ITCH: variants seen among roughly 807,000 people sequenced by gnomAD.
ITCH encodes the protein E3 ubiquitin-protein ligase Itchy homolog.
Under a neutral mutation model 126.8 loss-of-function variants are expected in ITCH, and 28 were observed. That is an observed-to-expected ratio of 0.22 (90% confidence interval 0.16 to 0.30). The LOEUF (loss-of-function observed/expected upper bound fraction) is 0.30, where lower values mean the gene tolerates loss of function less well. Among genes scored for constraint, ITCH ranks in the 10% least tolerant of loss-of-function variants. ITCH has a pLI of 1.00. For missense variants in ITCH, 631 were observed against 1,032.4 expected (o/e 0.61, Z 5.33); for synonymous variants, 342 against 340.0 (o/e 1.01, Z -0.06).
At chr20:34,488,297 G>A (rs1367454027) in intron 20 of ITCH, among the ~76,000 whole-genome samples, 1 of 151,564 alleles carries the variant, frequency 6.6e-6, no homozygotes, top group Non-Finnish European at 1.5e-5. Flanking sequence ...TTTTTTGAAG[G>A]ATATTGTCAC....
chr20:34,471,673 G>GGTGTGTGTGTGTGTGT (rs10606931), intron 16 of ITCH, among the ~76,000 whole-genome samples, 158 bp downstream of exon 16: 9 of 69,376 alleles, frequency 1.3e-4, no homozygotes, highest in African/African-American at 4.8e-4. Flanking sequence ...GGGCTTAAGG[G>GGTGTGTGTGTGTGTGT]GTGTGTGTGT....
intron 16 of ITCH, chr20:34,475,991 A>T: frequency 6.2e-7 from 1 of 1,602,326 alleles, no homozygotes; most frequent in Non-Finnish European, 8.5e-7. Flanking sequence ...TCGAACAGTC[A>T]TATTGTCCAT....
chr20:34,499,124 G>T (rs1405757483), intron 23 of ITCH, among the ~76,000 whole-genome samples: 2 of 151,568 alleles, frequency 1.3e-5, no homozygotes, highest in Non-Finnish European at 1.5e-5. Flanking sequence ...ACAGGCGCCT[G>T]CCACCATGCT....
intron 6 of ITCH, among the ~76,000 whole-genome samples, chr20:34,418,757 C>CTTTTTTTTT (rs373974620): frequency 1.7e-5 from 2 of 116,522 alleles, no homozygotes; most frequent in African/African-American, 3.3e-5. Context: ...TCTTTTTTTC[C>CTTTTTTTTT]TTTTTTTTTT....
Position 34,481,138 on chromosome 20 carries a change from G to C in ITCH, c.2025G>C (p.Lys675Asn). 6.2e-7 allele frequency: 1 copy of C among 1,613,296 alleles called. No homozygotes were observed. Among genetic ancestry groups the C allele is most frequent in the Non-Finnish European group, 8.5e-7 (1 of 1,179,446 alleles). The change falls in exon 20 of 25, where the codon AAG becomes AAC. Residue 675 changes from lysine (K) to asparagine (N), a missense_variant. Lys to Asn is a moderately conservative substitution (Grantham distance 94). Around this residue, in one of 4 missense-constraint regions of ITCH, gnomAD observed 390 missense variants for 731.6 expected, o/e 0.53. Transcript: ENST00000374864. ...SVDKEILGEIKSHDLKPNGGN... is the reference protein window; with the variant it reads ...SVDKEILGEINSHDLKPNGGN... ...ACAAAGAAATTCTAGGTGAAATTAA[G>C]AGTCATGATCTGAAACCTAATGGTG...
intron 10 of ITCH, 136 bp downstream of exon 10, chr20:34,442,439 A>C: frequency 1.5e-6 from 1 of 689,520 alleles, no homozygotes; most frequent in South Asian, 1.7e-5. Flanking sequence ...TGGTAAGTAC[A>C]AATTAAAAAG....
intron 20 of ITCH, among the ~76,000 whole-genome samples, chr20:34,485,398 G>A (rs985974015): frequency 6.6e-6 from 1 of 152,200 alleles, no homozygotes; most frequent in Non-Finnish European, 1.5e-5. Context: ...AGTAGTATTT[G>A]AGAGTTGCTT....
chr20:34,444,214 ACAAT>A (rs544274479), intron 10 of ITCH, among the ~76,000 whole-genome samples: 7 of 152,332 alleles, frequency 4.6e-5, no homozygotes, highest in Middle Eastern at 3.4e-3. Context: ...CATAATCAAC[ACAAT>A]CAATTCTTTC....
chr20:34,461,733 A>G (rs894502242), intron 13 of ITCH, among the ~76,000 whole-genome samples: 34 of 134,278 alleles, frequency 2.5e-4, no homozygotes, highest in African/African-American at 8.2e-4. Context: ...AAAAAAAAAA[A>G]GCAGGAGAGA....
intron 23 of ITCH, among the ~76,000 whole-genome samples, chr20:34,503,563 T>C (rs1990396657): frequency 6.6e-6 from 1 of 152,226 alleles, no homozygotes; most frequent in African/African-American, 2.4e-5. Flanking sequence ...TTTTATTAAT[T>C]CTGTATTTAA....
chr20:34,396,446 G>C (rs373733639), intron 3 of ITCH, among the ~76,000 whole-genome samples: 2 of 152,052 alleles, frequency 1.3e-5, no homozygotes, highest in African/African-American at 4.8e-5. Context: ...AGCCATTCTA[G>C]TGGGTGTGAA....
At chr20:34,450,983 C>T (rs1414995824) in intron 12 of ITCH, 1 of 152,084 alleles carries the variant, frequency 6.6e-6, no homozygotes, top group Non-Finnish European at 1.5e-5. Context: ...CTTATAACAA[C>T]AGGAGGACAT....
chr20:34,439,587 A>G (rs1983467785), intron 8 of ITCH, among the ~76,000 whole-genome samples: 1 of 152,160 alleles, frequency 6.6e-6, no homozygotes, highest in Non-Finnish European at 1.5e-5. Flanking sequence ...TTCCCCTTTT[A>G]TAGATAATTT....
rs1389626833 is a variant in ITCH at position 34,503,865 on chromosome 20, T to G, written c.2417-466T>G. 9.2e-4 allele frequency among the ~76,000 whole-genome samples: 96 copies of G among 104,024 alleles called. 3 individuals are homozygous for G. The highest frequency in any genetic ancestry group is 1.4e-3 in the East Asian group (6 of 4,234). The allele number at this position is 104,024 out of a possible 152,430, so 68.2% of individuals were successfully genotyped here. ...TTGGGTTTTTTGGGTTTTTTTTTTT[T>G]TTTGGTTTTTTTTTTTTTGGTTTTT... On this transcript the variant is annotated intron_variant, in intron 23 of 24. Coordinates refer to ENST00000374864, the MANE Select transcript of ITCH (RefSeq NM_031483.7).
chr20:34,474,529 A>G (rs1028917922), intron 16 of ITCH, among the ~76,000 whole-genome samples: 6 of 152,246 alleles, frequency 3.9e-5, no homozygotes, highest in Non-Finnish European at 7.3e-5. Context: ...TATTCTTAGT[A>G]CAGAACAAAA....
intron 23 of ITCH, among the ~76,000 whole-genome samples, chr20:34,497,002 G>GT (rs1481101703): frequency 2.6e-4 from 40 of 151,550 alleles, no homozygotes; most frequent in African/African-American, 8.7e-4. Flanking sequence ...CCCAATGATT[G>GT]TTCTTTTTTT....
chr20:34,474,303 CCCTGCGG>C (rs1987923157), intron 16 of ITCH, among the ~76,000 whole-genome samples: 1 of 152,164 alleles, frequency 6.6e-6, no homozygotes, highest in African/African-American at 2.4e-5. Context: ...AGGCAGAGGA[CCCTGCGG>C]CCTTCCGCAG....
At chr20:34,460,252 G>A (rs184129876) in intron 13 of ITCH, among the ~76,000 whole-genome samples, 18 of 151,734 alleles carry the variant, frequency 1.2e-4, no homozygotes, top group African/African-American at 4.3e-4. Context: ...GAAGTGACAT[G>A]ATCATGGCTT....
At chr20:34,414,848 A>G (rs898004553) in intron 6 of ITCH, among the ~76,000 whole-genome samples, 13 of 152,204 alleles carry the variant, frequency 8.5e-5, no homozygotes, top group Middle Eastern at 3.4e-3. Flanking sequence ...TTCCCCTTCT[A>G]CTTCTGTAGG....
Sources: allele counts gnomAD v4.1 joint callset (sites outside exome capture counted in the v4.1 genomes callset), GRCh38; gene constraint gnomAD v4.1.1; regional missense constraint gnomAD v4.1.1; transcripts MANE v1.5; gene names NCBI Gene and HGNC (gene_info 2026-07-23, HGNC 2026-07-21).